The following GAS7 variants were observed in gnomAD, a reference collection of about 807,000 sequenced individuals.
GAS7 encodes growth arrest specific 7, also known as growth arrest-specific protein 7.
GAS7 carries 28 observed loss-of-function variants against 71.1 expected under a neutral mutation model. The ratio of observed to expected loss-of-function variants is 0.39; its 90% CI spans 0.29 to 0.54. GAS7 has a LOEUF of 0.54. GAS7 is among the 20% of genes least tolerant of loss of function. GAS7 has a pLI of 0.62. For synonymous variants in GAS7, 258 were observed against 245.8 expected (o/e 1.05, Z -0.46); for missense variants, 436 against 627.8 (o/e 0.69, Z 3.27).
chr17:10,091,482 G>A (rs2073581197), intron 1 of GAS7, among the ~76,000 whole-genome samples: 1 of 152,226 alleles, frequency 6.6e-6, no homozygotes, highest in Non-Finnish European at 1.5e-5. Context: ...CCGCCTCCCA[G>A]GTTAAAGCGA....
In GAS7 at chr17:9,959,236, G is replaced by T. The variant is rs769894533; in HGVS notation, c.491C>A (p.Pro164Gln). The change falls in exon 5 of 14, where the codon CCA (proline) becomes CAA (glutamine). Residue 164 changes from proline to glutamine, a missense_variant. Physicochemically the swap from Pro to Gln is moderately conservative, Grantham distance 76. Coordinates refer to ENST00000432992, the MANE Select transcript of GAS7 (RefSeq NM_201433.2). The surrounding 1 kb of genome is among the most constrained non-coding windows in gnomAD (Gnocchi z 5.0). The stretch of plus-strand genomic sequence containing the variant: ...GTTTTCCTTGCTCTGCTTTTTGCTT[G>T]GCGATGAGGATCCCAGGTTCTGGGG... ...GDSQNLGSSS[P>Q]SKKQSKENTI... 1.9e-6 allele frequency: 3 copies of T among 1,614,086 alleles called. No individual in the cohort carries two copies. In the South Asian group the frequency reaches 3.3e-5, roughly 18 times the overall value.
At chr17:9,921,518 G>C (rs1271731812) in intron 11 of GAS7, among the ~76,000 whole-genome samples, 1 of 152,158 alleles carries the variant, frequency 6.6e-6, no homozygotes, top group African/African-American at 2.4e-5. Context: ...TGTCAATGCT[G>C]ATTTTGAGAA....
chr17:10,030,239 A>G (rs1042512552), intron 1 of GAS7, among the ~76,000 whole-genome samples: 3 of 152,236 alleles, frequency 2.0e-5, no homozygotes, highest in Admixed American at 6.5e-5. Flanking sequence ...TCCAGGGGGA[A>G]TCCTGAGCCC....
chr17:10,173,791 A>T (rs1207995696), intron 1 of GAS7, among the ~76,000 whole-genome samples: 1 of 151,420 alleles, frequency 6.6e-6, no homozygotes, highest in Non-Finnish European at 1.5e-5. Context: ...AAAAAAAGAG[A>T]CCCTCTCTCC....
intron 1 of GAS7, among the ~76,000 whole-genome samples, chr17:10,083,119 A>G (rs764371677): frequency 1.1e-4 from 16 of 152,280 alleles, no homozygotes; most frequent in Non-Finnish European, 1.9e-4. Flanking sequence ...TACGCATGTA[A>G]TAAATTTCAT....
intron 1 of GAS7, among the ~76,000 whole-genome samples, chr17:10,041,445 T>C (rs1484789396): frequency 1.3e-5 from 2 of 152,182 alleles, no homozygotes; most frequent in East Asian, 1.9e-4. Context: ...ATCACTGTCA[T>C]TGCAAATCCC....
chr17:9,969,585 G>A lies in GAS7; in HGVS notation c.471+92C>T, dbSNP rs1355732375. ...TACCTGGGGGCAGAACTGGGCTGCA[G>A]CCACCTGGACTCCCATGATGGACTT... On this transcript the variant is annotated intron_variant, in intron 4 of 13. Transcript: ENST00000432992. The surrounding 1 kb of genome is among the most constrained non-coding windows in gnomAD (Gnocchi z 5.5). The A allele has an allele frequency of 7.6e-6, 6 of 785,888 alleles. No individual in the cohort carries two copies. Among genetic ancestry groups the A allele is most frequent in the East Asian group, 5.1e-5 (2 of 39,350 alleles). The allele number at this position is 785,888 out of a possible 1,614,324, so 48.7% of individuals were successfully genotyped here. A position where few individuals can be genotyped will look rare whatever the true frequency, so the allele number is the denominator to read the frequency against.
At chr17:9,948,675 T>A (rs915285091) in intron 5 of GAS7, among the ~76,000 whole-genome samples, 4 of 139,608 alleles carry the variant, frequency 2.9e-5, no homozygotes, top group African/African-American at 8.2e-5. Flanking sequence ...AGAGTGAGAC[T>A]CCCCCTCAAA....
chr17:10,021,847 T>A (rs1190225489), intron 1 of GAS7, among the ~76,000 whole-genome samples: 1 of 152,178 alleles, frequency 6.6e-6, no homozygotes, highest in African/African-American at 2.4e-5. Flanking sequence ...TGTGTGTGCG[T>A]GTGCATGCGC....
intron 1 of GAS7, among the ~76,000 whole-genome samples, chr17:10,046,091 C>T (rs955817530): frequency 6.6e-6 from 1 of 152,180 alleles, no homozygotes; most frequent in Non-Finnish European, 1.5e-5. Flanking sequence ...TCTGGCTACA[C>T]ATCAAGTCAC....
intron 1 of GAS7, among the ~76,000 whole-genome samples, chr17:10,146,842 G>A (rs1321629537): frequency 1.3e-5 from 2 of 152,074 alleles, no homozygotes; most frequent in Non-Finnish European, 2.9e-5. Flanking sequence ...AAATTAGCCG[G>A]GCGTGGTGGC....
chr17:10,185,526 T>C (rs2074445507), intron 1 of GAS7, among the ~76,000 whole-genome samples: 1 of 152,230 alleles, frequency 6.6e-6, no homozygotes, highest in African/African-American at 2.4e-5. Flanking sequence ...TGGCTGTTCA[T>C]CTGTATCCTT....
At chr17:10,196,506 G>A (rs1399081380) in intron 1 of GAS7, among the ~76,000 whole-genome samples, 2 of 152,180 alleles carry the variant, frequency 1.3e-5, no homozygotes, top group African/African-American at 4.8e-5. Flanking sequence ...ATATGCCAGA[G>A]GATGGGACAG....
intron 1 of GAS7, among the ~76,000 whole-genome samples, chr17:10,045,388 C>T (rs561052457): frequency 5.6e-4 from 86 of 152,218 alleles, no homozygotes; most frequent in Admixed American, 9.2e-4. Flanking sequence ...TTCTATGTGT[C>T]CCACCCCATA....
intron 11 of GAS7, among the ~76,000 whole-genome samples, chr17:9,923,097 C>T (rs1177227249): frequency 6.6e-6 from 1 of 152,118 alleles, no homozygotes; most frequent in Non-Finnish European, 1.5e-5. Flanking sequence ...TTAGTAGAGA[C>T]GAGGTTTCAC....
intron 8 of GAS7, among the ~76,000 whole-genome samples, chr17:9,939,924 T>A (rs1267673557): frequency 6.6e-6 from 1 of 152,084 alleles, no homozygotes; most frequent in Non-Finnish European, 1.5e-5. Flanking sequence ...CCCTTTTGAG[T>A]GTGGATGCCC....
Position 10,198,487 on chromosome 17 carries a change from G to C in GAS7, c.-97C>G. ...GGGGTCCCAGGCGCCCGGCGCTCCG[G>C]GCTCCCGCGCTCTGGGCGCGCGCCG... On this transcript the variant is annotated 5_prime_UTR_variant, in exon 1 of 14. Coordinates refer to ENST00000432992, the MANE Select transcript of GAS7 (RefSeq NM_201433.2). 2 of 901,776 alleles carry C rather than the reference G, an allele frequency of 2.2e-6. No homozygotes were observed. Among genetic ancestry groups the C allele is most frequent in the African/African-American group, 1.8e-5 (1 of 55,994 alleles). The allele number at this position is 901,776 out of a possible 1,614,324, so 55.9% of individuals were successfully genotyped here. A position where few individuals can be genotyped will look rare whatever the true frequency, so the allele number is the denominator to read the frequency against.
chr17:10,089,388 A>T lies in GAS7; in HGVS notation c.184-69491T>A, dbSNP rs561216203. On this transcript the variant is annotated intron_variant, in intron 1 of 13. Coordinates refer to ENST00000432992, the MANE Select transcript of GAS7 (RefSeq NM_201433.2). ...AGCTTTGCAGCCAGCACCAAAGGAG[A>T]AGTGTGCTTGGCTACATGGTCTGCA... Among the ~76,000 whole-genome samples, 4 of 152,270 alleles carry T rather than the reference A, an allele frequency of 2.6e-5. No homozygotes were observed. In the South Asian group the frequency reaches 8.3e-4, roughly 32 times the overall value.
chr17:10,150,665 T>G (rs1257016271), intron 1 of GAS7, among the ~76,000 whole-genome samples: 1 of 147,522 alleles, frequency 6.8e-6, no homozygotes, highest in Non-Finnish European at 1.5e-5. Flanking sequence ...CTCGGCTCAC[T>G]GCAACCTCTG....
Sources: gnomAD v4.1 joint callset for allele counts (sites outside exome capture counted in the v4.1 genomes callset) on GRCh38, gnomAD v4.1.1 for gene constraint, Gnocchi (gnomAD v3.1) non-coding constraint, MANE v1.5 for transcripts, NCBI Gene and HGNC (gene_info 2026-07-23, HGNC 2026-07-21) for gene names.